IFNGR2: variants seen among roughly 807,000 people sequenced by gnomAD.
The protein encoded by IFNGR2 is interferon gamma receptor 2, also known as IFN-gamma receptor 2.
Under a neutral mutation model 41.1 loss-of-function variants are expected in IFNGR2, and 15 were observed. The ratio of observed to expected loss-of-function variants is 0.37; its 90% CI spans 0.24 to 0.56. The LOEUF (loss-of-function observed/expected upper bound fraction) is 0.56. Ranked by LOEUF, IFNGR2 falls within the 20% of genes least tolerant of loss-of-function variation. The pLI, the probability that IFNGR2 is intolerant of heterozygous loss-of-function variation, is 0.81. For synonymous variants in IFNGR2, 161 were observed against 171.6 expected, an observed-to-expected ratio of 0.94 and a Z score of 0.48; for missense variants, 362 against 415.7, an observed-to-expected ratio of 0.87 and a Z score of 1.12.
chr21:33,430,103 C>CA (rs2083872881), intron 4 of IFNGR2, among the ~76,000 whole-genome samples: 1 of 152,204 alleles, frequency 6.6e-6, no homozygotes, highest in African/African-American at 2.4e-5. Context: ...CACACTACTG[C>CA]ACTCCAGCCT....
At chr21:33,432,948 C>CA in intron 6 of IFNGR2, 77 bp downstream of exon 6, 1 of 1,227,322 alleles carries the variant, frequency 8.1e-7, no homozygotes, top group Non-Finnish European at 1.2e-6. Context: ...TGTCATGGTA[C>CA]AATCTCTGCT....
chr21:33,426,060 T>G (rs1325930092), intron 3 of IFNGR2, among the ~76,000 whole-genome samples: 3 of 152,246 alleles, frequency 2.0e-5, no homozygotes, highest in African/African-American at 7.2e-5. Flanking sequence ...TAGCCTGACC[T>G]GTGAATTATA....
At chr21:33,410,492 G>C (rs2083708006) in intron 1 of IFNGR2, among the ~76,000 whole-genome samples, 1 of 143,372 alleles carries the variant, frequency 7.0e-6, no homozygotes, top group Non-Finnish European at 1.5e-5. Context: ...TTTTGAGACA[G>C]AGTCTCGCTC....
rs1156255588 is a variant in IFNGR2 at position 33,410,747 on chromosome 21, C to T, written c.74-4141C>T. On this transcript the variant is annotated intron_variant, in intron 1 of 6. Transcript: ENST00000290219. The stretch of plus-strand genomic sequence containing the variant: ...CCTCCCTAAGTGCTGGGATTACAGG[C>T]GTGAGCCACCACGCCCATCCAATTA... 6.4e-5 allele frequency: 57 copies of T among 889,232 alleles called. 1 individual carries two copies. The highest frequency in any genetic ancestry group is 1.0e-4 in the South Asian group (7 of 69,724). 55.1% of individuals were successfully genotyped at this position (889,232 alleles called of 1,614,324 possible). A position where few individuals can be genotyped will look rare whatever the true frequency, so the allele number is the denominator to read the frequency against.
intron 6 of IFNGR2, among the ~76,000 whole-genome samples, chr21:33,433,746 TATG>T (rs572441510): frequency 2.7e-3 from 408 of 152,184 alleles, no homozygotes; most frequent in Admixed American, 4.3e-3. Context: ...TAAAAAGAGT[TATG>T]ATGGTACATT....
Position 33,403,490 on chromosome 21 carries a change from G to A in IFNGR2, c.-54G>A. On this transcript the variant is annotated 5_prime_UTR_variant, in exon 1 of 7. Transcript: ENST00000290219. ...GGGCGGCGACGTGAGCGGCTCCGCG[G>A]ACCCCGAGCGGGGCCCCGGCCGCGA... 9.1e-7 allele frequency: 1 copy of A among 1,102,270 alleles called. No individual in the cohort carries two copies. The highest frequency in any genetic ancestry group is 1.1e-6 in the Non-Finnish European group (1 of 897,510). 68.3% of individuals were successfully genotyped at this position (1,102,270 alleles called of 1,614,324 possible). A position where few individuals can be genotyped will look rare whatever the true frequency, so the allele number is the denominator to read the frequency against.
intron 1 of IFNGR2, among the ~76,000 whole-genome samples, chr21:33,405,103 GAA>G (rs3057379): frequency 0.19 from 22,136 of 119,598 alleles, 1,753 homozygotes; most frequent in East Asian, 0.44. Context: ...CTCTGTCTCA[GAA>G]AAAAAAAAAA....
chr21:33,410,954 T>C lies in IFNGR2; in HGVS notation c.74-3934T>C, dbSNP rs17879299. On this transcript the variant is annotated intron_variant, in intron 1 of 6. Transcript: ENST00000290219. ...CCTGCATCTCACAACCACTGCTCCT[T>C]CTCCCCAGCCTTCCAGCCCTGGTGT... The C allele has an allele frequency of 5.3e-6, 6 of 1,131,534 alleles. No homozygotes were observed. The African/African-American group carries it at 9.2e-5, about 17-fold the overall frequency. The allele number at this position is 1,131,534 out of a possible 1,614,324, so 70.1% of individuals were successfully genotyped here. A position where few individuals can be genotyped will look rare whatever the true frequency, so the allele number is the denominator to read the frequency against.
At chr21:33,416,801 G>A (rs929416236) in intron 2 of IFNGR2, among the ~76,000 whole-genome samples, 35 of 139,556 alleles carry the variant, frequency 2.5e-4, no homozygotes, top group African/African-American at 7.3e-4. Context: ...CAGGCTGGGC[G>A]ACAGAGCGAG....
At chr21:33,416,943 G>C (rs1182082157) in intron 2 of IFNGR2, among the ~76,000 whole-genome samples, 1 of 48,834 alleles carries the variant, frequency 2.0e-5, no homozygotes, top group Non-Finnish European at 3.9e-5. Flanking sequence ...TTTTTTTTTT[G>C]AGACAAAGTC....
At chr21:33,435,806 C>T (rs1185911296) in intron 6 of IFNGR2, among the ~76,000 whole-genome samples, 1 of 145,998 alleles carries the variant, frequency 6.8e-6, no homozygotes, top group Non-Finnish European at 1.5e-5. Context: ...TCACTTGAAC[C>T]CAGGAGGCGG....
intron 1 of IFNGR2, among the ~76,000 whole-genome samples, chr21:33,405,812 C>G (rs895030122): frequency 1.3e-5 from 2 of 151,940 alleles, no homozygotes; most frequent in Admixed American, 6.6e-5. Flanking sequence ...GGGCGGATCA[C>G]CTGAGGTCAG....
chr21:33,419,701 G>A (rs1425624754), intron 2 of IFNGR2, among the ~76,000 whole-genome samples: 1 of 152,208 alleles, frequency 6.6e-6, no homozygotes, highest in African/African-American at 2.4e-5. Flanking sequence ...CCTCGTACAT[G>A]AATCATATCT....
intron 1 of IFNGR2, among the ~76,000 whole-genome samples, chr21:33,406,233 G>A (rs543885849): frequency 4.6e-5 from 7 of 151,792 alleles, no homozygotes; most frequent in African/African-American, 1.4e-4. Context: ...AAAATTACCC[G>A]GGCGTGGTGG....
At chr21:33,419,893 G>A (rs17887178) in intron 2 of IFNGR2, among the ~76,000 whole-genome samples, 62 of 152,324 alleles carry the variant, frequency 4.1e-4, no homozygotes, top group East Asian at 1.9e-3. Context: ...AGGAAGAGCC[G>A]TGCATGTTGC....
intron 4 of IFNGR2, among the ~76,000 whole-genome samples, chr21:33,430,841 A>C (rs1646958039): frequency 6.6e-6 from 1 of 152,198 alleles, no homozygotes; most frequent in Admixed American, 6.5e-5. Context: ...TTGTCTTCCC[A>C]TGTTTTCAAG....
chr21:33,416,924 T>G (rs1161536210), intron 2 of IFNGR2, among the ~76,000 whole-genome samples: 1 of 149,100 alleles, frequency 6.7e-6, no homozygotes, highest in African/African-American at 2.5e-5. Flanking sequence ...TTTTTCTTTT[T>G]CTTTTTTTTT....
At chr21:33,429,743 G>C (rs2083870065) in intron 4 of IFNGR2, among the ~76,000 whole-genome samples, 1 of 152,188 alleles carries the variant, frequency 6.6e-6, no homozygotes, top group Non-Finnish European at 1.5e-5. Context: ...CCGACTCCCA[G>C]AAGGAAAACA....
At chr21:33,404,126 G>T (rs1223510707) in intron 1 of IFNGR2, among the ~76,000 whole-genome samples, 1 of 152,272 alleles carries the variant, frequency 6.6e-6, no homozygotes, top group Non-Finnish European at 1.5e-5. Context: ...GGCCGCCTTT[G>T]CTGGCCACTG....
Sources: allele counts gnomAD v4.1 joint callset (sites outside exome capture counted in the v4.1 genomes callset), GRCh38; gene constraint gnomAD v4.1.1; transcripts MANE v1.5; gene names NCBI Gene and HGNC (gene_info 2026-07-23, HGNC 2026-07-21).